The following ARK2C variants were observed in gnomAD, a reference collection of about 807,000 sequenced individuals.
The protein encoded by ARK2C is arkadia (RNF111) C-terminal like ring finger ubiquitin ligase 2C.
the ARK2C span, among the ~76,000 whole-genome samples, chr18:46,342,812 G>A: frequency 1.3e-5 from 2 of 152,098 alleles, no homozygotes. Context: ...ATAAATCAAA[G>A]GAAAAAAAAC....
At chr18:46,423,637 G>A in the ARK2C span, among the ~76,000 whole-genome samples, 1 of 152,120 alleles carries the variant, frequency 6.6e-6, no homozygotes, top group Non-Finnish European at 1.5e-5. Context: ...CAGAGCAGGG[G>A]GATCACACTG....
At chr18:46,455,786 G>T in the ARK2C span, among the ~76,000 whole-genome samples, 4 of 152,188 alleles carry the variant, frequency 2.6e-5, no homozygotes, top group Non-Finnish European at 4.4e-5. Context: ...AGTGAGCCAA[G>T]ATCACGCTAT....
the ARK2C span, among the ~76,000 whole-genome samples, chr18:46,403,637 G>A: frequency 6.6e-6 from 1 of 152,140 alleles, no homozygotes; most frequent in Non-Finnish European, 1.5e-5. Context: ...CAGCACTTTG[G>A]GAGGCCGAGG....
the ARK2C span, chr18:46,334,711 TGTGTGAGAGAGAGA>T: frequency 2.8e-5 from 3 of 107,578 alleles, no homozygotes; most frequent in African/African-American, 1.2e-4. This position sits in a 1 kb window ranked among gnomAD's most constrained non-coding sequence, Gnocchi z 4.4. Context: ...TGTGTGTGTG[TGTGTGAGAGAGAGA>T]GAGAGCGCGC....
chr18:46,410,873 G>A, the ARK2C span, among the ~76,000 whole-genome samples: 4 of 152,184 alleles, frequency 2.6e-5, no homozygotes, highest in African/African-American at 9.7e-5. Context: ...ACATGCCTTT[G>A]TAATGTTTAC....
At chr18:46,418,947 C>T in the ARK2C span, among the ~76,000 whole-genome samples, 2 of 152,334 alleles carry the variant, frequency 1.3e-5, no homozygotes, top group South Asian at 2.1e-4. Flanking sequence ...ATGTGTTGCC[C>T]TCTTTTGGGC....
chr18:46,342,043 T>C, the ARK2C span, among the ~76,000 whole-genome samples: 1 of 152,158 alleles, frequency 6.6e-6, no homozygotes, highest in Non-Finnish European at 1.5e-5. Context: ...ATCTCAAGAT[T>C]GGTCCTGTCT....
the ARK2C span, chr18:46,456,221 G>T: frequency 3.0e-6 from 2 of 657,768 alleles, no homozygotes; most frequent in Non-Finnish European, 5.5e-6. Context: ...CTTCATGGTT[G>T]CCCTGGGAAG....
the ARK2C span, among the ~76,000 whole-genome samples, chr18:46,455,184 A>T: frequency 6.6e-6 from 1 of 152,238 alleles, no homozygotes; most frequent in South Asian, 2.1e-4. Flanking sequence ...GTTTATAACA[A>T]TGGCTACAGT....
the ARK2C span, among the ~76,000 whole-genome samples, chr18:46,377,356 C>G: frequency 6.6e-6 from 1 of 152,128 alleles, no homozygotes; most frequent in South Asian, 2.1e-4. Flanking sequence ...AGGAATTGGT[C>G]TAGACACACA....
At chr18:46,412,810 A>G in the ARK2C span, among the ~76,000 whole-genome samples, 1 of 152,036 alleles carries the variant, frequency 6.6e-6, no homozygotes, top group African/African-American at 2.4e-5. Flanking sequence ...CATGCTTCAG[A>G]TGGCACACCT....
chr18:46,384,563 A>T, the ARK2C span, among the ~76,000 whole-genome samples: 7 of 152,168 alleles, frequency 4.6e-5, no homozygotes, highest in African/African-American at 1.7e-4. Context: ...CCCCTGCCAT[A>T]TGGACACACA....
the ARK2C span, among the ~76,000 whole-genome samples, chr18:46,416,059 A>C: frequency 6.6e-6 from 1 of 152,104 alleles, no homozygotes; most frequent in Non-Finnish European, 1.5e-5. Context: ...GCTAATTAAC[A>C]TGTCATGGGG....
chr18:46,448,462 G>A, the ARK2C span, among the ~76,000 whole-genome samples: 1 of 152,164 alleles, frequency 6.6e-6, no homozygotes. Flanking sequence ...GGCAGGGTGT[G>A]GTCTGTGGGT....
At chr18:46,384,948 C>G in the ARK2C span, among the ~76,000 whole-genome samples, 1 of 152,256 alleles carries the variant, frequency 6.6e-6, no homozygotes, top group African/African-American at 2.4e-5. Flanking sequence ...GGCACACACA[C>G]AGCTGGTTCA....
At chr18:46,336,958 G>T in the ARK2C span, 1 of 985,364 alleles carries the variant, frequency 1.0e-6, no homozygotes, top group Non-Finnish European at 1.2e-6. Flanking sequence ...AAGGTCCCTG[G>T]CTTAAGTGGG....
the ARK2C span, among the ~76,000 whole-genome samples, chr18:46,395,934 A>T: frequency 6.6e-6 from 1 of 152,162 alleles, no homozygotes; most frequent in African/African-American, 2.4e-5. Context: ...ATTGGGGCTC[A>T]CTCAGACACG....
At chr18:46,398,831 G>T in the ARK2C span, among the ~76,000 whole-genome samples, 1 of 152,012 alleles carries the variant, frequency 6.6e-6, no homozygotes, top group Non-Finnish European at 1.5e-5. Flanking sequence ...TGACCTGCTG[G>T]CTTCTGCCCT....
the ARK2C span, among the ~76,000 whole-genome samples, chr18:46,395,946 G>C: frequency 1.3e-5 from 2 of 152,224 alleles, no homozygotes; most frequent in African/African-American, 4.8e-5. Context: ...TCAGACACGT[G>C]TGGCTTGCTG....
Sources: gnomAD v4.1 joint callset for allele counts (sites outside exome capture counted in the v4.1 genomes callset) on GRCh38, gnomAD v4.1.1 for gene constraint, Gnocchi (gnomAD v3.1) non-coding constraint, MANE v1.5 for transcripts, NCBI Gene and HGNC (gene_info 2026-07-23, HGNC 2026-07-21) for gene names.